HIF1A: variants seen among roughly 807,000 people sequenced by gnomAD.
The protein encoded by HIF1A is hypoxia-inducible factor 1-alpha.
In HIF1A, 24 loss-of-function variants were observed where a neutral mutation model predicts 92.7. The ratio of observed to expected loss-of-function variants is 0.26; its 90% CI spans 0.19 to 0.36. HIF1A has a LOEUF of 0.36. Ranked by LOEUF, HIF1A falls within the 10% of genes least tolerant of loss-of-function variation. The pLI is 1.00. For synonymous variants in HIF1A, 319 were observed against 338.7 expected, an observed-to-expected ratio of 0.94 and a Z score of 0.64; for missense variants, 799 against 998.5, an observed-to-expected ratio of 0.80 and a Z score of 2.69.
chr14:61,718,877 G>A (rs751841253), intron 1 of HIF1A, among the ~76,000 whole-genome samples: 7 of 152,100 alleles, frequency 4.6e-5, no homozygotes, highest in Non-Finnish European at 8.8e-5. Flanking sequence ...AATTGATCTA[G>A]ATGCTTGAGT....
At chr14:61,746,128 G>T (rs1269907925) in intron 14 of HIF1A, among the ~76,000 whole-genome samples, 1 of 151,076 alleles carries the variant, frequency 6.6e-6, no homozygotes, top group Non-Finnish European at 1.5e-5. Flanking sequence ...GGAGGCTGAG[G>T]CATGAGAATT....
intron 1 of HIF1A, among the ~76,000 whole-genome samples, chr14:61,716,599 ATTTTT>A (rs1031280994): frequency 6.6e-6 from 1 of 151,170 alleles, no homozygotes; most frequent in Admixed American, 6.6e-5. Context: ...GTGTCCTTTT[ATTTTT>A]TTTTAATTTT....
chr14:61,738,522 G>A, intron 10 of HIF1A, 149 bp downstream of exon 10: 1 of 748,430 alleles, frequency 1.3e-6, no homozygotes, highest in South Asian at 1.8e-5. Flanking sequence ...TATTGCAAGA[G>A]CTACTGCCTA....
At chr14:61,720,003 C>T (rs893704795) in intron 1 of HIF1A, among the ~76,000 whole-genome samples, 1 of 152,188 alleles carries the variant, frequency 6.6e-6, no homozygotes, top group African/African-American at 2.4e-5. Context: ...TAGCCTTAAT[C>T]GTGGTTTCTC....
At position 61,747,104 on chromosome 14, in the gene HIF1A, T is replaced by A; in HGVS notation, c.*19T>A. On this transcript the variant is annotated 3_prime_UTR_variant, in exon 15 of 15. Transcript: ENST00000337138. ...TAACTGAGCTTTTTCTTAATTTCAT[T>A]CCTTTTTTTGGACACTGGTGGCTCA... The A allele has an allele frequency of 6.3e-7, 1 of 1,593,018 alleles. No individual in the cohort carries two copies. The highest frequency in any genetic ancestry group is 1.1e-5 in the South Asian group (1 of 87,262).
chr14:61,708,408 G>T (rs2044267572), intron 1 of HIF1A, among the ~76,000 whole-genome samples: 1 of 152,172 alleles, frequency 6.6e-6, no homozygotes, highest in African/African-American at 2.4e-5. Flanking sequence ...TATTGCCTAG[G>T]TTTTATTCTA....
chr14:61,721,390 A>C lies in HIF1A; in HGVS notation c.227-119A>C, dbSNP rs564568816. The C allele has an allele frequency of 2.9e-4, 209 of 724,840 alleles. 2 individuals are homozygous for C. The highest frequency in any genetic ancestry group is 1.8e-3 in the South Asian group (89 of 49,616). 44.9% of individuals were successfully genotyped at this position (724,840 alleles called of 1,614,324 possible). ...TCTGGCCTGCACTTTTCTGTGTTGAAATGGCTGTATATATTAAATAAAGTG... is the reference window on the plus strand; with the variant it reads ...TCTGGCCTGCACTTTTCTGTGTTGACATGGCTGTATATATTAAATAAAGTG... On this transcript the variant is annotated intron_variant, in intron 2 of 14. Coordinates refer to ENST00000337138, the MANE Select transcript of HIF1A (RefSeq NM_001530.4).
intron 13 of HIF1A, 45 bp downstream of exon 13, chr14:61,744,858 T>C (rs763350986): frequency 1.3e-6 from 1 of 754,102 alleles, no homozygotes; most frequent in South Asian, 1.5e-5. Context: ...AATGTGCTAT[T>C]TCGTGTGTGT....
At chr14:61,699,786 C>G (rs1303963529) in intron 1 of HIF1A, among the ~76,000 whole-genome samples, 1 of 152,068 alleles carries the variant, frequency 6.6e-6, no homozygotes, top group Non-Finnish European at 1.5e-5. Flanking sequence ...CTGCTTAACT[C>G]TGGAAGGTTA....
intron 1 of HIF1A, among the ~76,000 whole-genome samples, chr14:61,716,220 C>G (rs2044362003): frequency 5.7e-5 from 2 of 35,306 alleles, no homozygotes; most frequent in South Asian, 1.4e-3. Context: ...TATACACATT[C>G]ATGAACTGGC....
intron 4 of HIF1A, among the ~76,000 whole-genome samples, chr14:61,723,993 T>A (rs1186872649): frequency 6.6e-6 from 1 of 152,200 alleles, no homozygotes; most frequent in East Asian, 1.9e-4. Context: ...GGTGTGTTTA[T>A]ACAAATAGTC....
chr14:61,714,731 G>A (rs1372924187), intron 1 of HIF1A, among the ~76,000 whole-genome samples: 1 of 152,094 alleles, frequency 6.6e-6, no homozygotes, highest in African/African-American at 2.4e-5. Context: ...CTTTAAAAAT[G>A]AGTACAAACA....
chr14:61,705,611 T>C (rs1299498851), intron 1 of HIF1A, among the ~76,000 whole-genome samples: 7 of 152,184 alleles, frequency 4.6e-5, no homozygotes, highest in African/African-American at 1.7e-4. Context: ...ATTGAGCATC[T>C]GATTTGTGGA....
intron 1 of HIF1A, chr14:61,715,564 C>T (rs1227720543): frequency 1.3e-5 from 2 of 152,212 alleles, no homozygotes; most frequent in Non-Finnish European, 2.9e-5. Flanking sequence ...CATTTATTAA[C>T]GGAGTAATGT....
chr14:61,715,244 G>A (rs190475870), intron 1 of HIF1A, among the ~76,000 whole-genome samples: 631 of 152,304 alleles, frequency 4.1e-3, no homozygotes, highest in Non-Finnish European at 7.3e-3. Context: ...CTGGACAGTA[G>A]AGCAGAGAGC....
chr14:61,735,807 T>G (rs937333866), intron 8 of HIF1A, among the ~76,000 whole-genome samples: 2 of 152,188 alleles, frequency 1.3e-5, no homozygotes, highest in African/African-American at 4.8e-5. Flanking sequence ...ATCATTTATC[T>G]GTGTATCTTT....
In HIF1A at chr14:61,717,801, C is replaced by G. The variant is rs185305173; in HGVS notation, c.36-2581C>G. Among the ~76,000 whole-genome samples the G allele has an allele frequency of 3.4e-4, 52 of 152,214 alleles. No homozygotes were observed. In the East Asian group the frequency reaches 5.8e-3, roughly 17 times the overall value. ...CTTTGGGAGGCCGAGGCGGGTGGAT[C>G]ACTTGAGGTCTGGAGTTTGAGACAA... On this transcript the variant is annotated intron_variant, in intron 1 of 14. Transcript: ENST00000337138.
chr14:61,697,889 CTT>C, intron 1 of HIF1A: 1 of 1,515,222 alleles, frequency 6.6e-7, no homozygotes, highest in Non-Finnish European at 8.8e-7. Context: ...ACAAATTTGT[CTT>C]TTTAAAAGAA....
chr14:61,721,448 A>G (rs2044425852), intron 2 of HIF1A, 61 bp from the exon 3 acceptor site: 1 of 1,392,152 alleles, frequency 7.2e-7, no homozygotes, highest in Admixed American at 1.9e-5. Flanking sequence ...ACATCTAAAT[A>G]TTATATCATT....
Sources: allele counts gnomAD v4.1 joint callset (sites outside exome capture counted in the v4.1 genomes callset), GRCh38; gene constraint gnomAD v4.1.1; transcripts MANE v1.5; gene names NCBI Gene and HGNC (gene_info 2026-07-23, HGNC 2026-07-21).